CPNE4: variants seen among roughly 807,000 people sequenced by gnomAD.
The protein encoded by CPNE4 is copine 4, also known as copine-4.
In CPNE4, 25 loss-of-function variants were observed where a neutral mutation model predicts 67.9. The ratio of observed to expected loss-of-function variants is 0.37; its 90% CI spans 0.27 to 0.51. The LOEUF is 0.51. CPNE4 is among the 20% of genes least tolerant of loss of function. CPNE4 has a pLI of 0.93. For synonymous variants in CPNE4, 242 were observed against 244.9 expected, an observed-to-expected ratio of 0.99 and a Z score of 0.11; for missense variants, 464 against 690.8, an observed-to-expected ratio of 0.67 and a Z score of 3.68.
At chr3:131,734,980 G>A (rs1199114144) in intron 2 of CPNE4, among the ~76,000 whole-genome samples, 5 of 152,028 alleles carry the variant, frequency 3.3e-5, no homozygotes, top group Non-Finnish European at 7.4e-5. Context: ...CCTGATTCCT[G>A]GTGCAGTTCT....
chr3:131,546,211 C>T (rs1935827560), intron 14 of CPNE4, among the ~76,000 whole-genome samples: 1 of 152,158 alleles, frequency 6.6e-6, no homozygotes, highest in Non-Finnish European at 1.5e-5. Context: ...GGAATCTGAT[C>T]CTGCCAGGTT....
chr3:131,656,525 G>A (rs1371981976), intron 7 of CPNE4, among the ~76,000 whole-genome samples: 1 of 152,168 alleles, frequency 6.6e-6, no homozygotes. Flanking sequence ...CTATGGGCTT[G>A]TGTATATATC....
chr3:131,827,674 A>G (rs1363245690), intron 2 of CPNE4, among the ~76,000 whole-genome samples: 1 of 152,106 alleles, frequency 6.6e-6, no homozygotes, highest in Non-Finnish European at 1.5e-5. Context: ...ATTATATCAT[A>G]AGAAAAGGTC....
intron 2 of CPNE4, among the ~76,000 whole-genome samples, chr3:131,756,547 T>C (rs1033735319): frequency 5.3e-5 from 8 of 152,156 alleles, no homozygotes; most frequent in Middle Eastern, 3.4e-3. Context: ...ATGGGAAAAA[T>C]GAATGGCAGA....
chr3:131,595,663 A>T (rs1938798196), intron 7 of CPNE4, among the ~76,000 whole-genome samples: 1 of 152,124 alleles, frequency 6.6e-6, no homozygotes, highest in Admixed American at 6.5e-5. Context: ...CTCTTTAACA[A>T]CCAGCTCTTG....
chr3:131,536,681 T>C (rs1935164444), intron 15 of CPNE4, among the ~76,000 whole-genome samples: 1 of 152,226 alleles, frequency 6.6e-6, no homozygotes, highest in Non-Finnish European at 1.5e-5. Flanking sequence ...CTGAAAACAC[T>C]GTAAAGAGTT....
At chr3:131,553,770 C>A (rs772705313) in intron 12 of CPNE4, among the ~76,000 whole-genome samples, 1 of 152,092 alleles carries the variant, frequency 6.6e-6, no homozygotes, top group South Asian at 2.1e-4. Context: ...AGTTTCAATG[C>A]ATACTTTCAG....
intron 1 of CPNE4, among the ~76,000 whole-genome samples, chr3:131,945,546 C>G (rs569750774): frequency 6.6e-6 from 1 of 152,138 alleles, no homozygotes; most frequent in Admixed American, 6.6e-5. Flanking sequence ...CTCCCCATTT[C>G]CTGGGTGAAA....
At chr3:131,751,505 A>T in intron 2 of CPNE4, among the ~76,000 whole-genome samples, 1 of 148,960 alleles carries the variant, frequency 6.7e-6, no homozygotes, top group South Asian at 2.2e-4. Context: ...TCTTTTTTAT[A>T]CTTCTATTTC....
At chr3:131,861,225 C>G (rs1453777541) in intron 2 of CPNE4, among the ~76,000 whole-genome samples, 1 of 152,166 alleles carries the variant, frequency 6.6e-6, no homozygotes, top group African/African-American at 2.4e-5. Context: ...TTATTGTTTA[C>G]TGCTCACCAA....
At chr3:131,627,960 T>C (rs546304458) in intron 7 of CPNE4, among the ~76,000 whole-genome samples, 17 of 152,320 alleles carry the variant, frequency 1.1e-4, no homozygotes, top group African/African-American at 3.8e-4. Context: ...ATTTAGATTA[T>C]TATATAAAAT....
chr3:131,855,758 T>G (rs942652271), intron 2 of CPNE4, among the ~76,000 whole-genome samples: 1 of 151,890 alleles, frequency 6.6e-6, no homozygotes, highest in Non-Finnish European at 1.5e-5. Context: ...TTTGAAGAAT[T>G]TGTTTGGGTC....
At chr3:131,683,623 CT>C (rs1452517481) in intron 6 of CPNE4, among the ~76,000 whole-genome samples, 1 of 152,052 alleles carries the variant, frequency 6.6e-6, no homozygotes, top group Non-Finnish European at 1.5e-5. Context: ...GTGCATGCAC[CT>C]GAGGGGTGGT....
intron 2 of CPNE4, among the ~76,000 whole-genome samples, chr3:131,885,931 T>A (rs1467518224): frequency 6.6e-6 from 1 of 152,202 alleles, no homozygotes; most frequent in Non-Finnish European, 1.5e-5. Context: ...TTTGAAAAAT[T>A]TGCAACCTGA....
At chr3:131,813,948 G>A (rs900689596) in intron 2 of CPNE4, among the ~76,000 whole-genome samples, 1 of 152,152 alleles carries the variant, frequency 6.6e-6, no homozygotes, top group Non-Finnish European at 1.5e-5. Context: ...TTCAGAATGT[G>A]TTACCTCTTC....
chr3:131,857,820 C>T (rs2086511173), intron 2 of CPNE4, among the ~76,000 whole-genome samples: 1 of 151,968 alleles, frequency 6.6e-6, no homozygotes, highest in African/African-American at 2.4e-5. Flanking sequence ...GTAGAATCCA[C>T]TGAAAAATCC....
intron 1 of CPNE4, among the ~76,000 whole-genome samples, chr3:131,925,157 T>TTCTCTCTCTCTTGTTCTCATATTC (rs1553806598): frequency 1.4e-5 from 2 of 147,164 alleles, no homozygotes; most frequent in African/African-American, 5.0e-5. Flanking sequence ...TGTTCTCATA[T>TTCTCTCTCTCTTGTTCTCATATTC]TCTCTCTCTC....
rs1260419903 is a variant in CPNE4 at position 131,897,468 on chromosome 3, G to A, written c.180+7796C>T. Among the ~76,000 whole-genome samples, 4 of 152,098 alleles carry A rather than the reference G, an allele frequency of 2.6e-5. No homozygotes were observed. In the East Asian group the frequency reaches 7.7e-4, roughly 29 times the overall value. On this transcript the variant is annotated intron_variant, in intron 2 of 15. Transcript: ENST00000429747. ...TGAAGGATAGCAGGAGGACAGTTTT[G>A]AAGTCAGACAGTCTGGGTTCAATTT...
At chr3:131,705,688 G>T (rs775182929) in intron 3 of CPNE4, among the ~76,000 whole-genome samples, 5 of 152,096 alleles carry the variant, frequency 3.3e-5, no homozygotes, top group Admixed American at 6.6e-5. Flanking sequence ...AGAATAACAA[G>T]AGCAATAGGT....
Sources: gnomAD v4.1 joint callset for allele counts (sites outside exome capture counted in the v4.1 genomes callset) on GRCh38, gnomAD v4.1.1 for gene constraint, MANE v1.5 for transcripts, NCBI Gene and HGNC (gene_info 2026-07-23, HGNC 2026-07-21) for gene names.